Variants in CAPN9 observed in about 807,000 individuals in gnomAD.
CAPN9 encodes calpain 9, also known as calpain-9.
A neutral mutation model predicts 92.8 loss-of-function variants in CAPN9; 81 were observed. The ratio of observed to expected loss-of-function variants is 0.87; its 90% CI spans 0.73 to 1.05. The LOEUF is 1.05. CAPN9 is among the 50% of genes least tolerant of loss of function. CAPN9 has a pLI of 0.00. For missense variants in CAPN9, 848 were observed against 866.2 expected (o/e 0.98, Z 0.26); for synonymous variants, 304 against 328.0 (o/e 0.93, Z 0.79).
rs1479014818 is a variant in CAPN9, at chr1:230,775,585, C to G, written c.953+954C>G. Reference sequence around the variant, plus strand: ...TTCCCTTTCATGTGCTCCAACCAATCAAGTCTTGCCTGAGCTCATCTCTTT... The same window carrying G: ...TTCCCTTTCATGTGCTCCAACCAATGAAGTCTTGCCTGAGCTCATCTCTTT... On this transcript the variant is annotated intron_variant, in intron 8 of 19. Transcript: ENST00000271971. Among the ~76,000 whole-genome samples the G allele has an allele frequency of 2.0e-5, 3 of 152,188 alleles. No individual in the cohort carries two copies. The East Asian group carries it at 5.8e-4, about 29-fold the overall frequency.
At position 230,767,587 on chromosome 1, in the gene CAPN9, G is replaced by A. The variant is rs556429467; in HGVS notation, c.583G>A (p.Ala195Thr). ...TCTGAAGGGAGGCAGCGCCATCGAG[G>A]CCATGGAAGACTTCACTGGGGGTGT... ...EALKGGSAIEAMEDFTGGVAE... is the reference protein window; with the variant it reads ...EALKGGSAIETMEDFTGGVAE... Residue 195 changes from alanine to threonine, a missense_variant, in exon 5 of 20, where the codon GCC becomes ACC. Coordinates refer to ENST00000271971, the MANE Select transcript of CAPN9 (RefSeq NM_006615.3). 14 of 1,613,672 alleles carry A rather than the reference G, an allele frequency of 8.7e-6. No homozygotes were observed. In the South Asian group the frequency reaches 1.5e-4, roughly 18 times the overall value.
At chr1:230,769,615 A>AT (rs1558095189) in intron 6 of CAPN9, among the ~76,000 whole-genome samples, 6 of 90,560 alleles carry the variant, frequency 6.6e-5, no homozygotes, top group African/African-American at 2.0e-4. Context: ...ACACACACAC[A>AT]CCTATCTATC....
At chr1:230,774,415 G>C (rs1261057222) in intron 7 of CAPN9, 139 bp from the exon 8 acceptor site, 6 of 656,770 alleles carry the variant, frequency 9.1e-6, no homozygotes, top group East Asian at 2.7e-5. Flanking sequence ...TACATCCCTG[G>C]GTGCATTTTT....
At chr1:230,748,764 T>A (rs761144324) in intron 1 of CAPN9, among the ~76,000 whole-genome samples, 1 of 152,204 alleles carries the variant, frequency 6.6e-6, no homozygotes, top group Non-Finnish European at 1.5e-5. Flanking sequence ...GGACTCATCA[T>A]AACTACCTCC....
chr1:230,787,468 T>G, intron 12 of CAPN9, 54 bp from the exon 13 acceptor site: 1 of 1,500,562 alleles, frequency 6.7e-7, no homozygotes, highest in Non-Finnish European at 9.3e-7. Context: ...GCTATTTTTG[T>G]CATGTTTCTT....
chr1:230,790,474 T>G (rs1667905767), intron 14 of CAPN9: 1 of 184,066 alleles, frequency 5.4e-6, no homozygotes, highest in Non-Finnish European at 1.0e-5. Flanking sequence ...TCTGCATGTA[T>G]GTACATGTGT....
rs145249261 is a variant in CAPN9 at position 230,785,978 on chromosome 1, C to G, written c.1482-3C>G. 1 of 1,613,732 alleles carries G rather than the reference C, an allele frequency of 6.2e-7. No individual in the cohort carries two copies. Among genetic ancestry groups the G allele is most frequent in the Non-Finnish European group, 8.5e-7 (1 of 1,179,666 alleles). On this transcript the variant is annotated splice_region_variant and splice_polypyrimidine_tract_variant and intron_variant, in intron 11 of 19. Transcript: ENST00000271971. ...GAGGCAGTGTGTTTTTCTGCCCCTA[C>G]AGGGATATGGATGGAAATGTAGACA...
rs140529301 is a variant in CAPN9 at position 230,791,925 on chromosome 1, G to A, written c.1719G>A (p.Met573Ile). ...CCTGTAAAAACATCATTTCCCTGAT[G>A]GACGTATCCTTCCAAATATTTGAGC... Reference protein sequence around the residue: ...LISCKNIISLMDTSGNGKLEF... With the variant: ...LISCKNIISLIDTSGNGKLEF... The change falls in exon 15 of 20, where the codon ATG (methionine) becomes ATA (isoleucine). Residue 573 changes from methionine to isoleucine, a missense_variant. Coordinates refer to ENST00000271971, the MANE Select transcript of CAPN9 (RefSeq NM_006615.3). 9.9e-4 allele frequency: 1,594 copies of A among 1,608,966 alleles called. 4 individuals carry two copies. The highest frequency in any genetic ancestry group is 1.2e-3 in the Non-Finnish European group (1,465 of 1,175,268).
At chr1:230,781,319 T>C (rs922619540) in intron 11 of CAPN9, among the ~76,000 whole-genome samples, 2 of 152,194 alleles carry the variant, frequency 1.3e-5, no homozygotes, top group Non-Finnish European at 2.9e-5. Context: ...GAGACCTTCA[T>C]TTTTCAGACC....
intron 13 of CAPN9, among the ~76,000 whole-genome samples, chr1:230,788,998 A>T (rs1667793775): frequency 6.6e-6 from 1 of 152,114 alleles, no homozygotes; most frequent in African/African-American, 2.4e-5. Context: ...AAGTAGTTGG[A>T]TGACTTGGGC....
intron 16 of CAPN9, 44 bp from the exon 17 acceptor site, chr1:230,792,806 T>C (rs1464830126): frequency 1.9e-6 from 3 of 1,540,676 alleles, no homozygotes; most frequent in African/African-American, 1.4e-5. Flanking sequence ...AGCGATGCCT[T>C]TCAGGCACGC....
intron 17 of CAPN9, among the ~76,000 whole-genome samples, chr1:230,794,371 C>T (rs1053550888): frequency 1.9e-4 from 29 of 152,228 alleles, no homozygotes; most frequent in African/African-American, 5.3e-4. Context: ...GTCCCAGCTA[C>T]TCAGGAGGCT....
chr1:230,780,191 C>A lies in CAPN9; in HGVS notation c.1127C>A (p.Thr376Asn). 6.2e-7 allele frequency: 1 copy of A among 1,612,956 alleles called. No homozygotes were observed. Among genetic ancestry groups the A allele is most frequent in the East Asian group, 2.2e-5 (1 of 44,816 alleles). The change falls in exon 10 of 20, where the codon ACC (threonine) becomes AAC (asparagine). Residue 376 changes from threonine (T) to asparagine (N), a missense_variant. Physicochemically the swap from Thr to Asn is moderately conservative, Grantham distance 65. Coordinates refer to ENST00000271971, the MANE Select transcript of CAPN9 (RefSeq NM_006615.3). The part of the protein sequence containing the change: ...GCRNFLDTFW[T>N]NPQIKLSLTE... ...TCCCAAATGACAGATACCTTTTGGA[C>A]CAATCCACAAATAAAATTGTCTCTG...
intron 19 of CAPN9, among the ~76,000 whole-genome samples, chr1:230,800,810 C>A (rs972668571): frequency 6.6e-6 from 1 of 152,270 alleles, no homozygotes; most frequent in African/African-American, 2.4e-5. Flanking sequence ...AGTGTGCAGC[C>A]AGGTCTGAAG....
intron 2 of CAPN9, 80 bp downstream of exon 2, chr1:230,755,486 G>C: frequency 9.6e-7 from 1 of 1,038,092 alleles, no homozygotes; most frequent in Non-Finnish European, 1.4e-6. Flanking sequence ...TGGGGTCCCT[G>C]AGGACCCAAG....
At chr1:230,800,298 GAAAGAAAGGAA>G (rs1392793993) in intron 19 of CAPN9, among the ~76,000 whole-genome samples, 1 of 95,850 alleles carries the variant, frequency 1.0e-5, no homozygotes, top group Non-Finnish European at 2.3e-5. Flanking sequence ...AAGAAAGAAA[GAAAGAAAGGAA>G]AAACAAGAGA....
intron 5 of CAPN9, among the ~76,000 whole-genome samples, chr1:230,768,920 G>C (rs556045842): frequency 6.4e-4 from 98 of 152,322 alleles, no homozygotes; most frequent in African/African-American, 2.2e-3. Context: ...TGTTCTGTTT[G>C]GGGACAAAAT....
chr1:230,760,403 G>GC (rs1380546097), intron 3 of CAPN9, among the ~76,000 whole-genome samples: 1 of 152,030 alleles, frequency 6.6e-6, no homozygotes, highest in Non-Finnish European at 1.5e-5. Flanking sequence ...CACCGAGTAG[G>GC]CATTCCTTGA....
intron 19 of CAPN9, 140 bp from the exon 20 acceptor site, chr1:230,801,430 G>A (rs1668719320): frequency 1.2e-6 from 1 of 808,130 alleles, no homozygotes; most frequent in Non-Finnish European, 2.2e-6. Context: ...TTCCTGCTGA[G>A]ACAGACATCC....
Sources: allele counts gnomAD v4.1 joint callset (sites outside exome capture counted in the v4.1 genomes callset), GRCh38; gene constraint gnomAD v4.1.1; transcripts MANE v1.5; gene names NCBI Gene and HGNC (gene_info 2026-07-23, HGNC 2026-07-21).